LVRN: variants seen among roughly 807,000 people sequenced by gnomAD.
LVRN encodes laeverin.
A neutral mutation model predicts 111.4 loss-of-function variants in LVRN; 99 were observed. The ratio of observed to expected loss-of-function variants is 0.89; its 90% CI spans 0.76 to 1.05. The LOEUF (loss-of-function observed/expected upper bound fraction) is 1.05, where lower values mean the gene tolerates loss of function less well. Ranked by LOEUF, LVRN falls within the 50% of genes least tolerant of loss-of-function variation. The pLI, the probability that LVRN is intolerant of heterozygous loss-of-function variation, is 0.00. For missense variants in LVRN, 1,414 were observed against 1,206.8 expected (o/e 1.17, Z -2.54); for synonymous variants, 488 against 449.5 (o/e 1.09, Z -1.08).
intron 13 of LVRN, among the ~76,000 whole-genome samples, chr5:116,007,923 A>T (rs1748411540): frequency 6.6e-6 from 1 of 152,196 alleles, no homozygotes; most frequent in African/African-American, 2.4e-5. Flanking sequence ...TTTGGGGTGC[A>T]ATGAATCATG....
chr5:116,000,764 G>T, intron 9 of LVRN, 106 bp downstream of exon 9: 5 of 1,265,438 alleles, frequency 4.0e-6, no homozygotes, highest in Non-Finnish European at 4.5e-6. Context: ...AAACAGCTTT[G>T]TCTTGTTGTA....
intron 14 of LVRN, among the ~76,000 whole-genome samples, chr5:116,011,522 CCCTCTTT>C (rs1434365336): frequency 6.6e-6 from 1 of 152,026 alleles, no homozygotes. Flanking sequence ...AGTTAGGTAG[CCCTCTTT>C]GGGGAGTTAG....
intron 1 of LVRN, among the ~76,000 whole-genome samples, chr5:115,972,548 T>C (rs1174343818): frequency 2.0e-5 from 3 of 152,004 alleles, no homozygotes; most frequent in Admixed American, 2.0e-4. Flanking sequence ...ATAAAGACAG[T>C]TTTACTTCTA....
intron 3 of LVRN, among the ~76,000 whole-genome samples, chr5:115,987,121 ATAAG>A (rs1747887102): frequency 6.6e-6 from 1 of 152,176 alleles, no homozygotes; most frequent in Non-Finnish European, 1.5e-5. Context: ...AATCACACAA[ATAAG>A]CTCCAATTAC....
chr5:115,999,939 C>G (rs775664997), intron 7 of LVRN, 37 bp downstream of exon 7: 87 of 1,578,560 alleles, frequency 5.5e-5, no homozygotes, highest in Non-Finnish European at 7.1e-5. Flanking sequence ...GTTTTGTACT[C>G]TGGTAGAAAG....
At chr5:116,005,514 A>T (rs1748342680) in intron 12 of LVRN, among the ~76,000 whole-genome samples, 1 of 152,198 alleles carries the variant, frequency 6.6e-6, no homozygotes, top group Admixed American at 6.5e-5. Flanking sequence ...AATAGCGCTA[A>T]ATAATATTTA....
intron 13 of LVRN, among the ~76,000 whole-genome samples, chr5:116,009,755 C>G (rs1748447931): frequency 6.6e-6 from 1 of 152,084 alleles, no homozygotes; most frequent in African/African-American, 2.4e-5. Context: ...CATGATCAAA[C>G]TAGAATGGAT....
chr5:115,976,428 GT>G (rs1406375936), intron 1 of LVRN, among the ~76,000 whole-genome samples: 3 of 152,016 alleles, frequency 2.0e-5, no homozygotes, highest in Non-Finnish European at 4.4e-5. Flanking sequence ...TTGATTTTCT[GT>G]TTTTTATTTC....
At chr5:115,992,058 T>C in intron 4 of LVRN, 65 bp from the exon 5 acceptor site, 1 of 1,456,568 alleles carries the variant, frequency 6.9e-7, no homozygotes. Context: ...CATTTTGAGA[T>C]ATTTAAAAAA....
chr5:115,979,456 A>G (rs2112566146), intron 1 of LVRN, among the ~76,000 whole-genome samples: 1 of 152,066 alleles, frequency 6.6e-6, no homozygotes, highest in Non-Finnish European at 1.5e-5. Context: ...CCCCTCCATC[A>G]AGAGATAGCT....
At chr5:115,988,338 T>C (rs967963067) in intron 4 of LVRN, among the ~76,000 whole-genome samples, 4 of 151,680 alleles carry the variant, frequency 2.6e-5, no homozygotes, top group Non-Finnish European at 4.4e-5. Context: ...GTAAGTTTTT[T>C]TTTTTTTTAA....
At chr5:115,982,923 G>T (rs1023865504) in intron 1 of LVRN, among the ~76,000 whole-genome samples, 1 of 152,124 alleles carries the variant, frequency 6.6e-6, no homozygotes, top group South Asian at 2.1e-4. Flanking sequence ...GAAAGCAATG[G>T]ACCATTCTCA....
Position 116,014,401 on chromosome 5 carries a change from C to T in LVRN, c.2343-19C>T, listed in dbSNP as rs1255676139. On this transcript the variant is annotated intron_variant, in intron 15 of 19. Transcript: ENST00000357872. ...TGGTAATGCAAAATAAACTGTTTTT[C>T]TTTGACTTTTTCTTCAAGAATATCA... is the stretch of plus-strand genomic sequence containing the variant. 1 of 1,587,810 alleles carries T rather than the reference C, an allele frequency of 6.3e-7. No individual in the cohort carries two copies. The highest frequency in any genetic ancestry group is 8.6e-7 in the Non-Finnish European group (1 of 1,159,294).
In LVRN at chr5:115,984,852, T is replaced by C. The variant is rs547756313; in HGVS notation, c.978+143T>C. 6 of 1,173,318 alleles carry C rather than the reference T, an allele frequency of 5.1e-6. No individual in the cohort carries two copies. In the African/African-American group the frequency reaches 9.4e-5, roughly 18 times the overall value. The allele number at this position is 1,173,318 out of a possible 1,614,324, so 72.7% of individuals were successfully genotyped here. ...TCCCAAGCCCTGTAAAAGTTCTTAG[T>C]GTGGCTTTGCAGAATGGGACATAAC... On this transcript the variant is annotated intron_variant, in intron 3 of 19. Transcript: ENST00000357872.
intron 1 of LVRN, among the ~76,000 whole-genome samples, chr5:115,964,137 C>T (rs1368374319): frequency 6.6e-6 from 1 of 152,214 alleles, no homozygotes; most frequent in Non-Finnish European, 1.5e-5. Context: ...CCGGCGAACT[C>T]CAGGGAAATA....
chr5:115,987,488 G>A (rs1747892397), intron 3 of LVRN, among the ~76,000 whole-genome samples: 1 of 151,828 alleles, frequency 6.6e-6, no homozygotes, highest in Non-Finnish European at 1.5e-5. Flanking sequence ...AGGGCCCAAA[G>A]TGCACAAAAT....
At chr5:115,986,512 A>G (rs1190630341) in intron 3 of LVRN, among the ~76,000 whole-genome samples, 3 of 152,194 alleles carry the variant, frequency 2.0e-5, no homozygotes, top group Non-Finnish European at 2.9e-5. Flanking sequence ...TAAGAAAGTC[A>G]TGTTCTTAGC....
chr5:115,993,602 G>T, intron 5 of LVRN, 139 bp from the exon 6 acceptor site: 2 of 601,242 alleles, frequency 3.3e-6, no homozygotes, highest in Non-Finnish European at 5.8e-6. Flanking sequence ...TTGGTGTCCT[G>T]TCTTCAAGTT....
intron 1 of LVRN, chr5:115,975,224 T>C: frequency 2.1e-6 from 1 of 485,078 alleles, no homozygotes; most frequent in Non-Finnish European, 4.1e-6. Flanking sequence ...TTCATTATCT[T>C]GGGTTCACAC....
Sources: allele counts gnomAD v4.1 joint callset (sites outside exome capture counted in the v4.1 genomes callset), GRCh38; gene constraint gnomAD v4.1.1; transcripts MANE v1.5; gene names NCBI Gene and HGNC (gene_info 2026-07-23, HGNC 2026-07-21).